ARHGAP15: variants seen among roughly 807,000 people sequenced by gnomAD.
ARHGAP15 encodes the protein Rho GTPase activating protein 15.
A neutral mutation model predicts 63.7 loss-of-function variants in ARHGAP15; 51 were observed. That is an observed-to-expected ratio of 0.80 (90% CI 0.64 to 1.01). ARHGAP15 has a LOEUF of 1.01. Ranked by LOEUF, ARHGAP15 falls within the 50% of genes least tolerant of loss-of-function variation. ARHGAP15 has a pLI of 0.00. For synonymous variants in ARHGAP15, 191 were observed against 193.8 expected (o/e 0.99, Z 0.12); for missense variants, 560 against 564.6 (o/e 0.99, Z 0.08).
intron 1 of ARHGAP15, among the ~76,000 whole-genome samples, chr2:143,147,054 G>A (rs941910783): frequency 1.3e-5 from 2 of 152,150 alleles, no homozygotes; most frequent in African/African-American, 4.8e-5. Flanking sequence ...TAATCTGCCT[G>A]ATAAAAAGAC....
intron 6 of ARHGAP15, among the ~76,000 whole-genome samples, chr2:143,415,652 T>G (rs995057076): frequency 1.3e-5 from 2 of 152,172 alleles, no homozygotes; most frequent in African/African-American, 4.8e-5. Flanking sequence ...GCATTCTTAT[T>G]CAAGATGATG....
At chr2:143,390,849 G>A (rs746957835) in intron 6 of ARHGAP15, among the ~76,000 whole-genome samples, 3 of 152,032 alleles carry the variant, frequency 2.0e-5, no homozygotes, top group South Asian at 4.1e-4. Flanking sequence ...ATTTGCCTCC[G>A]CTTTTTACAG....
At chr2:143,187,111 T>C (rs758000047) in intron 2 of ARHGAP15, among the ~76,000 whole-genome samples, 1 of 152,150 alleles carries the variant, frequency 6.6e-6, no homozygotes, top group Non-Finnish European at 1.5e-5. Flanking sequence ...TCACTTAGTG[T>C]CTAGAAAGAT....
intron 6 of ARHGAP15, among the ~76,000 whole-genome samples, chr2:143,257,595 A>C (rs993212470): frequency 6.6e-6 from 1 of 152,116 alleles, no homozygotes; most frequent in Non-Finnish European, 1.5e-5. Context: ...TACCGACATC[A>C]TATTGTGAAT....
intron 11 of ARHGAP15, among the ~76,000 whole-genome samples, chr2:143,589,674 C>A (rs1304895931): frequency 6.6e-6 from 1 of 152,156 alleles, no homozygotes; most frequent in African/African-American, 2.4e-5. Context: ...CAGCTACTCT[C>A]TTTTCAACAA....
In ARHGAP15 at chr2:143,487,427, G is replaced by T; in HGVS notation, c.758G>T (p.Ser253Ile). 6.2e-7 allele frequency: 1 copy of T among 1,613,810 alleles called. No individual in the cohort carries two copies. Among genetic ancestry groups the T allele is most frequent in the East Asian group, 2.2e-5 (1 of 44,842 alleles). Residue 253 changes from serine (S) to isoleucine (I), a missense_variant, in exon 9 of 14, where the codon AGC (serine) becomes ATC (isoleucine). Physicochemically the swap from Ser to Ile is moderately radical, Grantham distance 142 (BLOSUM62 -2). Coordinates refer to ENST00000295095, the MANE Select transcript of ARHGAP15 (RefSeq NM_018460.4). ...ACAAGCGACAAAAATCGAGTTAAAA[G>T]CAGATTAAAGAAGTTTATTACCCGA... ...SDTSDKNRVKSRLKKFITRRP... is the reference protein window; with the variant it reads ...SDTSDKNRVKIRLKKFITRRP...
At chr2:143,277,082 G>A (rs1480953333) in intron 6 of ARHGAP15, among the ~76,000 whole-genome samples, 1 of 151,994 alleles carries the variant, frequency 6.6e-6, no homozygotes, top group African/African-American at 2.4e-5. Flanking sequence ...ATTGTCATTT[G>A]TGTTTTGATC....
intron 6 of ARHGAP15, among the ~76,000 whole-genome samples, chr2:143,342,933 A>G (rs530508713): frequency 6.6e-6 from 1 of 151,944 alleles, no homozygotes; most frequent in East Asian, 1.9e-4. Flanking sequence ...ACACTACCTA[A>G]CCGCATATAT....
chr2:143,474,834 A>G (rs1691736971), intron 8 of ARHGAP15, among the ~76,000 whole-genome samples: 2 of 152,250 alleles, frequency 1.3e-5, no homozygotes, highest in Non-Finnish European at 2.9e-5. Context: ...GGTCAACAAC[A>G]GAAAAAAGCT....
In ARHGAP15 at chr2:143,510,071, C is replaced by T. The variant is rs530048976; in HGVS notation, c.827-9195C>T. ...AATAGAAACACCATGCTTTGATAAGCAATCTAAAAGTTTTGGGCTGAAAAC... is the reference window on the plus strand; with the variant it reads ...AATAGAAACACCATGCTTTGATAAGTAATCTAAAAGTTTTGGGCTGAAAAC... On this transcript the variant is annotated intron_variant, in intron 9 of 13. Coordinates refer to ENST00000295095, the MANE Select transcript of ARHGAP15 (RefSeq NM_018460.4). 3.4e-5 allele frequency among the ~76,000 whole-genome samples: 4 copies of T among 116,212 alleles called. No individual in the cohort carries two copies. In the East Asian group the frequency reaches 7.4e-4, roughly 22 times the overall value. The allele number at this position is 116,212 out of a possible 152,430, so 76.2% of individuals were successfully genotyped here.
At position 143,287,468 on chromosome 2, in the gene ARHGAP15, G is replaced by A. The variant is rs375550449; in HGVS notation, c.474+36868G>A. 2.6e-5 allele frequency among the ~76,000 whole-genome samples: 4 copies of A among 151,916 alleles called. No homozygotes were observed. The East Asian group carries it at 5.8e-4, about 22-fold the overall frequency. ...ATTGAAAGTTCACTTCCAAAACAAA[G>A]AGGAAGATAGAATGGGCTCTCGGGG... On this transcript the variant is annotated intron_variant, in intron 6 of 13. Transcript: ENST00000295095.
intron 2 of ARHGAP15, among the ~76,000 whole-genome samples, chr2:143,198,869 C>T (rs1429500162): frequency 6.6e-6 from 1 of 152,072 alleles, no homozygotes; most frequent in Non-Finnish European, 1.5e-5. Context: ...TCTTTACTTT[C>T]CAGGAGAATT....
chr2:143,225,365 G>C (rs536859754), intron 4 of ARHGAP15, among the ~76,000 whole-genome samples: 1 of 152,270 alleles, frequency 6.6e-6, no homozygotes, highest in South Asian at 2.1e-4. Context: ...ACTTTGGGAG[G>C]CCGAGGCAGG....
chr2:143,339,762 T>C (rs1019020039), intron 6 of ARHGAP15, among the ~76,000 whole-genome samples: 1 of 152,194 alleles, frequency 6.6e-6, no homozygotes, highest in African/African-American at 2.4e-5. Context: ...TTATACTTTA[T>C]GTGTGTTCAC....
chr2:143,372,099 G>A (rs1686585031), intron 6 of ARHGAP15, among the ~76,000 whole-genome samples: 1 of 151,864 alleles, frequency 6.6e-6, no homozygotes, highest in African/African-American at 2.4e-5. Context: ...CAGCACTTTG[G>A]GAGGCTGAGG....
At chr2:143,166,068 A>AAT (rs1558787991) in intron 2 of ARHGAP15, among the ~76,000 whole-genome samples, 14 of 151,168 alleles carry the variant, frequency 9.3e-5, no homozygotes, top group Non-Finnish European at 1.6e-4. Context: ...AAAGAAAAAA[A>AAT]ATATCTTCTT....
intron 8 of ARHGAP15, among the ~76,000 whole-genome samples, chr2:143,474,407 A>C (rs1219759514): frequency 1.3e-5 from 2 of 152,216 alleles, no homozygotes; most frequent in Non-Finnish European, 2.9e-5. Context: ...CAATTCTTAA[A>C]AAATGTAGGA....
intron 10 of ARHGAP15, among the ~76,000 whole-genome samples, chr2:143,520,366 A>G (rs768237261): frequency 6.6e-6 from 1 of 152,214 alleles, no homozygotes; most frequent in African/African-American, 2.4e-5. Flanking sequence ...GGAAATTCAT[A>G]CTTTAATTAT....
At chr2:143,611,417 A>C (rs138115564) in intron 11 of ARHGAP15, among the ~76,000 whole-genome samples, 3 of 152,340 alleles carry the variant, frequency 2.0e-5, no homozygotes, top group African/African-American at 7.2e-5. Flanking sequence ...CAAGTTATTT[A>C]ATTTCTCTGG....
Sources: gnomAD v4.1 joint callset for allele counts (sites outside exome capture counted in the v4.1 genomes callset) on GRCh38, gnomAD v4.1.1 for gene constraint, MANE v1.5 for transcripts, NCBI Gene and HGNC (gene_info 2026-07-23, HGNC 2026-07-21) for gene names.